The following CCT4 variants were observed in gnomAD, a reference collection of about 807,000 sequenced individuals.
CCT4 encodes T-complex protein 1 subunit delta.
In CCT4, 17 loss-of-function variants were observed where a neutral mutation model predicts 62.5. The observed-to-expected ratio is 0.27, with a 90% CI of 0.19 to 0.41. CCT4 has a LOEUF of 0.41. CCT4 is among the 10% of genes least tolerant of loss of function. CCT4 has a pLI of 1.00. For missense variants in CCT4, 592 were observed against 659.2 expected (o/e 0.90, Z 1.12); for synonymous variants, 250 against 229.9 (o/e 1.09, Z -0.79).
At chr2:61,879,439 ATT>A (rs35177149) in intron 4 of CCT4, among the ~76,000 whole-genome samples, 32 of 103,496 alleles carry the variant, frequency 3.1e-4, no homozygotes, top group Admixed American at 4.1e-4. Context: ...TTTTTTTTGT[ATT>A]TTTTTTTTTT....
intron 1 of CCT4, chr2:61,886,150 C>G (rs976513982): frequency 2.0e-5 from 3 of 152,266 alleles, no homozygotes; most frequent in African/African-American, 7.2e-5. Context: ...ATGGCTCACA[C>G]TTGTAATACC....
Position 61,888,644 on chromosome 2 carries a change from G to A in CCT4, c.-137C>T. On this transcript the variant is annotated 5_prime_UTR_variant, in exon 1 of 14. Coordinates refer to ENST00000394440, the MANE Select transcript of CCT4 (RefSeq NM_006430.4). The stretch of plus-strand genomic sequence containing the variant: ...AGCGGCGCCGGCGTCGGGAGGAGGC[G>A]GAGGCGGAGAAGGGGGCCTTCCTTG... 5 of 1,055,072 alleles carry A rather than the reference G, an allele frequency of 4.7e-6. No individual in the cohort carries two copies. The highest frequency in any genetic ancestry group is 5.3e-6 in the Non-Finnish European group (4 of 757,724). The allele number at this position is 1,055,072 out of a possible 1,614,324, so 65.4% of individuals were successfully genotyped here. A position where few individuals can be genotyped will look rare whatever the true frequency, so the allele number is the denominator to read the frequency against.
chr2:61,874,951 C>A (rs1047088608), intron 8 of CCT4, among the ~76,000 whole-genome samples: 4 of 151,892 alleles, frequency 2.6e-5, no homozygotes, highest in African/African-American at 9.7e-5. Context: ...TCAGGACCAG[C>A]CTGACTAACA....
chr2:61,884,951 C>A (rs1669214790), intron 2 of CCT4, 69 bp downstream of exon 2: 3 of 1,332,698 alleles, frequency 2.3e-6, no homozygotes, highest in Admixed American at 2.0e-5. Flanking sequence ...CACATCTAAC[C>A]CTTCAACAAG....
intron 7 of CCT4, 127 bp from the exon 8 acceptor site, chr2:61,876,361 G>A (rs1361497387): frequency 3.3e-6 from 2 of 598,264 alleles, no homozygotes; most frequent in Non-Finnish European, 2.8e-6. Flanking sequence ...AAATTATATA[G>A]ACATGCATAG....
chr2:61,883,407 A>G, intron 3 of CCT4, 52 bp downstream of exon 3: 1 of 897,330 alleles, frequency 1.1e-6, no homozygotes. Flanking sequence ...ACAGAGCAAG[A>G]CTCTGTCTCA....
At chr2:61,872,646 G>A in intron 10 of CCT4, 58 bp from the exon 11 acceptor site, 1 of 1,583,476 alleles carries the variant, frequency 6.3e-7, no homozygotes, top group Non-Finnish European at 8.6e-7. Context: ...CCCACACCCA[G>A]GCCGGGCACG....
intron 1 of CCT4, 159 bp downstream of exon 1, chr2:61,888,222 A>G: frequency 1.1e-6 from 1 of 896,466 alleles, no homozygotes; most frequent in Non-Finnish European, 1.6e-6. Context: ...TCATCGGCAG[A>G]AAAACAGAAA....
At chr2:61,871,734 T>C (rs1668888695) in intron 12 of CCT4, among the ~76,000 whole-genome samples, 1 of 152,252 alleles carries the variant, frequency 6.6e-6, no homozygotes, top group Non-Finnish European at 1.5e-5. Flanking sequence ...GCCAAGCATC[T>C]ATCTAAGAGC....
chr2:61,869,648 G>C, intron 12 of CCT4, 95 bp from the exon 13 acceptor site: 5 of 709,896 alleles, frequency 7.0e-6, no homozygotes, highest in Non-Finnish European at 1.3e-5. Context: ...CCTAAATCTA[G>C]TTTTCTTTCT....
chr2:61,877,130 A>C (rs1669018163), intron 6 of CCT4, 78 bp from the exon 7 acceptor site: 1 of 1,281,468 alleles, frequency 7.8e-7, no homozygotes, highest in Non-Finnish European at 1.1e-6. Context: ...ACAGATTAAA[A>C]GTCATCAGTC....
At chr2:61,877,282 C>CA (rs1669021035) in intron 6 of CCT4, 111 bp downstream of exon 6, 10 of 1,189,292 alleles carry the variant, frequency 8.4e-6, no homozygotes, top group Non-Finnish European at 1.2e-5. Flanking sequence ...AAAACAAAAC[C>CA]AAAAAGAGAA....
intron 4 of CCT4, 94 bp downstream of exon 4, chr2:61,880,192 C>A (rs934666973): frequency 7.1e-6 from 4 of 566,186 alleles, no homozygotes; most frequent in African/African-American, 1.9e-5. Context: ...CAAATTAAAT[C>A]TTCAATCCCA....
chr2:61,886,536 A>C (rs2105143649), intron 1 of CCT4, among the ~76,000 whole-genome samples: 1 of 152,302 alleles, frequency 6.6e-6, no homozygotes, highest in Non-Finnish European at 1.5e-5. Flanking sequence ...CACGCCTGTA[A>C]TCCCAGCGCT....
chr2:61,878,237 G>T (rs1669040958), intron 5 of CCT4, among the ~76,000 whole-genome samples: 1 of 152,150 alleles, frequency 6.6e-6, no homozygotes, highest in South Asian at 2.1e-4. Flanking sequence ...ATAAACACAG[G>T]ATATTACAGA....
Position 61,888,466 on chromosome 2 carries a change from C to G in CCT4, c.42G>C (p.Gly14=). The G allele has an allele frequency of 1.2e-6, 2 of 1,612,062 alleles. No individual in the cohort carries two copies. Among genetic ancestry groups the G allele is most frequent in the Non-Finnish European group, 1.7e-6 (2 of 1,179,252 alleles). The change falls in exon 1 of 14, where the codon GGG becomes GGC. Residue 14 remains glycine (G), a synonymous_variant. Transcript: ENST00000394440. ...CGCCTTTCCCGCGGCCGCCGGCAGC[C>G]CCGGCAGTCGCCCCGCTCCGGGGTG... ...NVAPRSGATA[G]AAGGRGKGAY... is the part of the protein sequence containing the mutation.
intron 3 of CCT4, among the ~76,000 whole-genome samples, chr2:61,880,710 A>C (rs554064237): frequency 8.5e-5 from 13 of 152,070 alleles, no homozygotes; most frequent in African/African-American, 2.7e-4. Flanking sequence ...CTAGAGTATC[A>C]AACTTTTTTT....
chr2:61,884,179 A>G (rs1488047355), intron 2 of CCT4, among the ~76,000 whole-genome samples: 1 of 152,232 alleles, frequency 6.6e-6, no homozygotes, highest in African/African-American at 2.4e-5. Flanking sequence ...TACATAATAG[A>G]TATCTATATT....
chr2:61,885,156 G>A, intron 1 of CCT4, 84 bp from the exon 2 acceptor site: 1 of 1,046,754 alleles, frequency 9.6e-7, no homozygotes, highest in Non-Finnish European at 1.3e-6. Context: ...TGTCCAGGAT[G>A]GCCTCAAACT....
Sources: allele counts gnomAD v4.1 joint callset (sites outside exome capture counted in the v4.1 genomes callset), GRCh38; gene constraint gnomAD v4.1.1; transcripts MANE v1.5; gene names NCBI Gene and HGNC (gene_info 2026-07-23, HGNC 2026-07-21).